CTXND1: variants seen among roughly 807,000 people sequenced by gnomAD.
The protein encoded by CTXND1 is cortexin domain-containing 1 protein.
intron 1 of CTXND1, among the ~76,000 whole-genome samples, chr15:80,239,613 C>T (rs1462152475): frequency 1.3e-5 from 2 of 152,200 alleles, no homozygotes; most frequent in African/African-American, 2.4e-5. Context: ...CCTTGTTCCT[C>T]GGCTTGCAGA....
chr15:80,220,546 A>G (rs965910160), intron 1 of CTXND1, among the ~76,000 whole-genome samples: 24 of 152,088 alleles, frequency 1.6e-4, no homozygotes, highest in Non-Finnish European at 1.8e-4. Context: ...ACACTTTTAT[A>G]TATTAGGATC....
intron 1 of CTXND1, among the ~76,000 whole-genome samples, chr15:80,236,891 G>A (rs1893504812): frequency 6.6e-6 from 1 of 152,022 alleles, no homozygotes. Context: ...CGTGTTTGTG[G>A]CAATGCTGTT....
rs866635124 is a variant in CTXND1, at chr15:80,201,814, C to T, written c.136G>A (p.Ala46Thr). Reference sequence around the variant, plus strand: ...TCCTCCCAGGTGGATGTGGGGATGGCGCTGTAAGGGTCCATGATGACCTTG... The same window carrying T: ...TCCTCCCAGGTGGATGTGGGGATGGTGCTGTAAGGGTCCATGATGACCTTG... ...CAKVIMDPYS[A>T]IPTSTWEEQH... The change falls in exon 3 of 3, where the codon GCC becomes ACC. Residue 46 changes from alanine (A) to threonine (T), a missense_variant. Transcript: ENST00000560778. 5.0e-6 allele frequency: 2 copies of T among 398,828 alleles called. No individual in the cohort carries two copies. Among genetic ancestry groups the T allele is most frequent in the African/African-American group, 2.1e-5 (1 of 48,748 alleles). 24.7% of individuals were successfully genotyped at this position (398,828 alleles called of 1,614,324 possible). A position where few individuals can be genotyped will look rare whatever the true frequency, so the allele number is the denominator to read the frequency against.
intron 1 of CTXND1, among the ~76,000 whole-genome samples, chr15:80,246,595 A>G (rs990115160): frequency 1.3e-5 from 2 of 151,892 alleles, no homozygotes; most frequent in African/African-American, 4.8e-5. Context: ...AGAAGGAGAA[A>G]GAGGGCATTC....
chr15:80,220,165 C>A (rs1044924899), intron 1 of CTXND1, among the ~76,000 whole-genome samples: 5 of 132,250 alleles, frequency 3.8e-5, no homozygotes, highest in African/African-American at 1.5e-4. Context: ...ATCTATCTAT[C>A]TATCTATTTA....
intron 1 of CTXND1, among the ~76,000 whole-genome samples, chr15:80,249,018 T>A (rs1350270630): frequency 1.3e-5 from 2 of 152,006 alleles, no homozygotes; most frequent in South Asian, 2.1e-4. Flanking sequence ...AGTGGTGCAA[T>A]CACAGTTCAC....
chr15:80,226,341 T>C (rs1893371362), intron 1 of CTXND1, among the ~76,000 whole-genome samples: 2 of 152,218 alleles, frequency 1.3e-5, no homozygotes, highest in Admixed American at 1.3e-4. Context: ...GTTGAAAATA[T>C]GTTATAGCAG....
rs140521129 is a variant in CTXND1 at position 80,245,038 on chromosome 15, G to T, written c.-218+6969C>A. On this transcript the variant is annotated intron_variant, in intron 1 of 2. Transcript: ENST00000560778. Reference sequence around the variant, plus strand: ...TTGGACTTCTCATGGGTAAAATAGGGGTGAGGATTAGGGTACCAGCCTCAC... The same window carrying T: ...TTGGACTTCTCATGGGTAAAATAGGTGTGAGGATTAGGGTACCAGCCTCAC... 2.8e-4 allele frequency among the ~76,000 whole-genome samples: 42 copies of T among 152,218 alleles called. No individual in the cohort carries two copies. In the East Asian group the frequency reaches 6.8e-3, roughly 25 times the overall value.
intron 1 of CTXND1, among the ~76,000 whole-genome samples, chr15:80,226,439 C>T (rs537690968): frequency 1.3e-5 from 2 of 152,286 alleles, no homozygotes; most frequent in South Asian, 4.1e-4. Flanking sequence ...TGTAACGGCC[C>T]CAAGTTGTCC....
At chr15:80,231,746 T>C (rs1323213410) in intron 1 of CTXND1, among the ~76,000 whole-genome samples, 2 of 152,192 alleles carry the variant, frequency 1.3e-5, no homozygotes, top group African/African-American at 2.4e-5. Flanking sequence ...GAAAGTCACA[T>C]ACCCAGCAAT....
chr15:80,220,678 T>C (rs1413741029), intron 1 of CTXND1, among the ~76,000 whole-genome samples: 1 of 152,098 alleles, frequency 6.6e-6, no homozygotes, highest in Non-Finnish European at 1.5e-5. Context: ...GTGATAAAGG[T>C]ATTCAGACTT....
At chr15:80,248,949 AT>A (rs60054169) in intron 1 of CTXND1, among the ~76,000 whole-genome samples, 50,996 of 147,522 alleles carry the variant, frequency 0.35, 8,844 homozygotes, top group East Asian at 0.52. Context: ...TCTTTTTTTG[AT>A]TTTTTTTTTT....
chr15:80,216,652 T>A (rs1893256928), intron 1 of CTXND1, among the ~76,000 whole-genome samples: 1 of 152,150 alleles, frequency 6.6e-6, no homozygotes, highest in South Asian at 2.1e-4. Flanking sequence ...GCTCTGTTGC[T>A]CTCCCAGGCT....
chr15:80,225,147 A>C (rs1893358885), intron 1 of CTXND1, among the ~76,000 whole-genome samples: 1 of 152,252 alleles, frequency 6.6e-6, no homozygotes, highest in Non-Finnish European at 1.5e-5. Flanking sequence ...CCTTTCTCAG[A>C]ACTTTAAAAC....
chr15:80,223,659 T>C (rs1893342871), intron 1 of CTXND1, among the ~76,000 whole-genome samples: 1 of 152,154 alleles, frequency 6.6e-6, no homozygotes, highest in Non-Finnish European at 1.5e-5. Flanking sequence ...GATGGACAAA[T>C]TGACACTCCT....
intron 1 of CTXND1, among the ~76,000 whole-genome samples, chr15:80,221,791 G>C (rs1893322493): frequency 6.6e-6 from 1 of 152,098 alleles, no homozygotes; most frequent in Non-Finnish European, 1.5e-5. Flanking sequence ...GCATGCCATA[G>C]ATTTTGGAAA....
intron 1 of CTXND1, among the ~76,000 whole-genome samples, chr15:80,235,558 A>G (rs1238774158): frequency 1.2e-4 from 19 of 152,164 alleles, no homozygotes; most frequent in Admixed American, 1.2e-3. Context: ...ACTGCAGGGG[A>G]AATCAAGTCC....
chr15:80,218,652 GA>G (rs938046898), intron 1 of CTXND1, among the ~76,000 whole-genome samples: 3 of 151,058 alleles, frequency 2.0e-5, no homozygotes, highest in African/African-American at 7.3e-5. Context: ...TATTTTATTT[GA>G]AATAGTTAAA....
intron 1 of CTXND1, among the ~76,000 whole-genome samples, chr15:80,207,031 C>T (rs146980524): frequency 1.8e-3 from 271 of 152,316 alleles, no homozygotes; most frequent in Non-Finnish European, 3.0e-3. Flanking sequence ...TTTTCTCTGC[C>T]TGCCTTAAAG....
Sources: gnomAD v4.1 joint callset for allele counts (sites outside exome capture counted in the v4.1 genomes callset) on GRCh38, gnomAD v4.1.1 for gene constraint, MANE v1.5 for transcripts, NCBI Gene and HGNC (gene_info 2026-07-23, HGNC 2026-07-21) for gene names.